The following VAV2 variants were observed in gnomAD, a reference collection of about 807,000 sequenced individuals.
VAV2 encodes the protein guanine nucleotide exchange factor VAV2.
A neutral mutation model predicts 132.5 loss-of-function variants in VAV2; 67 were observed. The observed-to-expected ratio is 0.51, with a 90% CI of 0.42 to 0.62. The LOEUF (loss-of-function observed/expected upper bound fraction) is 0.62, where lower values mean the gene tolerates loss of function less well. Among genes scored for constraint, VAV2 ranks in the 20% least tolerant of loss-of-function variants. The pLI is 0.00. For missense variants in VAV2, 938 were observed against 1,153.6 expected (o/e 0.81, Z 2.71); for synonymous variants, 492 against 443.5 (o/e 1.11, Z -1.37).
At chr9:133,944,116 A>G (rs985999160) in intron 1 of VAV2, among the ~76,000 whole-genome samples, 3 of 152,112 alleles carry the variant, frequency 2.0e-5, no homozygotes, top group African/African-American at 7.2e-5. Context: ...CAGGACAGTC[A>G]CGTCTCTTTA....
intron 3 of VAV2, among the ~76,000 whole-genome samples, chr9:133,856,840 C>A (rs960029757): frequency 1.3e-5 from 2 of 152,190 alleles, no homozygotes; most frequent in Non-Finnish European, 2.9e-5. Context: ...GACCTTCCTG[C>A]GTCCCTCTTA....
intron 1 of VAV2, among the ~76,000 whole-genome samples, chr9:133,971,380 C>T (rs1219980988): frequency 6.6e-6 from 1 of 152,166 alleles, no homozygotes; most frequent in African/African-American, 2.4e-5. Context: ...GCCCCAGGAA[C>T]CCAGGAGGGG....
intron 4 of VAV2, among the ~76,000 whole-genome samples, chr9:133,815,274 G>T (rs1030430196): frequency 6.6e-6 from 1 of 152,002 alleles, no homozygotes; most frequent in Non-Finnish European, 1.5e-5. Flanking sequence ...TGTAGCACCC[G>T]CTGCGTCTGA....
intron 2 of VAV2, among the ~76,000 whole-genome samples, chr9:133,921,221 G>T (rs1244922859): frequency 6.6e-6 from 1 of 152,214 alleles, no homozygotes; most frequent in Non-Finnish European, 1.5e-5. Context: ...CTCTGTGCGT[G>T]CCGGAGTGTG....
chr9:133,927,192 G>C (rs1189034909), intron 2 of VAV2, among the ~76,000 whole-genome samples: 1 of 152,142 alleles, frequency 6.6e-6, no homozygotes, highest in Non-Finnish European at 1.5e-5. Context: ...CGAAACCTGA[G>C]ACCAGCTAGC....
chr9:133,843,036 T>C (rs1836787067), intron 3 of VAV2, among the ~76,000 whole-genome samples: 1 of 152,180 alleles, frequency 6.6e-6, no homozygotes, highest in South Asian at 2.1e-4. Flanking sequence ...CAGCTCCAAC[T>C]GTCAAAACAA....
At chr9:133,792,646 G>A (rs972465022) in intron 12 of VAV2, among the ~76,000 whole-genome samples, 7 of 151,088 alleles carry the variant, frequency 4.6e-5, no homozygotes, top group South Asian at 2.1e-4. Flanking sequence ...GTGCATGCAC[G>A]CACATACATG....
At chr9:133,842,569 C>T (rs555069606) in intron 3 of VAV2, among the ~76,000 whole-genome samples, 2 of 152,154 alleles carry the variant, frequency 1.3e-5, no homozygotes, top group African/African-American at 4.8e-5. Flanking sequence ...CCTAGTCTTG[C>T]AGATGGCAGA....
intron 4 of VAV2, among the ~76,000 whole-genome samples, chr9:133,814,169 C>T (rs1046235682): frequency 6.6e-6 from 1 of 152,236 alleles, no homozygotes. Context: ...TGTTTGTGAG[C>T]TCACAGGTTT....
intron 4 of VAV2, among the ~76,000 whole-genome samples, chr9:133,832,480 C>A (rs575551754): frequency 7.0e-4 from 106 of 152,360 alleles, no homozygotes; most frequent in African/African-American, 2.5e-3. Flanking sequence ...GTTTCCTCCC[C>A]CCTTACAGGG....
intron 19 of VAV2, among the ~76,000 whole-genome samples, chr9:133,783,016 A>G (rs1225348093): frequency 6.6e-6 from 1 of 152,176 alleles, no homozygotes; most frequent in Non-Finnish European, 1.5e-5. Context: ...GGGCATGAAC[A>G]GAAGGGAACC....
chr9:133,981,948 C>T (rs1482939446), intron 1 of VAV2, among the ~76,000 whole-genome samples: 1 of 152,240 alleles, frequency 6.6e-6, no homozygotes, highest in Non-Finnish European at 1.5e-5. Context: ...GAAAGCTTTG[C>T]TCTTACTGAG....
intron 1 of VAV2, among the ~76,000 whole-genome samples, chr9:133,952,104 C>G (rs1477408918): frequency 6.6e-6 from 1 of 152,020 alleles, no homozygotes; most frequent in Non-Finnish European, 1.5e-5. Flanking sequence ...ACCCAATTAC[C>G]TCAAAAGGCC....
intron 9 of VAV2, among the ~76,000 whole-genome samples, chr9:133,805,695 G>C (rs141831446): frequency 6.6e-6 from 1 of 152,150 alleles, no homozygotes; most frequent in Admixed American, 6.5e-5. Flanking sequence ...TAAGCTCCAC[G>C]TGCCACCTCT....
intron 1 of VAV2, among the ~76,000 whole-genome samples, chr9:133,940,864 A>G (rs1284204298): frequency 1.3e-5 from 2 of 151,836 alleles, no homozygotes; most frequent in Admixed American, 6.6e-5. Flanking sequence ...TATCTTATCT[A>G]TAGACCTTAC....
At position 133,885,075 on chromosome 9, in the gene VAV2, T is replaced by C. The variant is rs562539969; in HGVS notation, c.322-23643A>G. On this transcript the variant is annotated intron_variant, in intron 2 of 29. Transcript: ENST00000371850. The surrounding 1 kb of genome is among the most constrained non-coding windows in gnomAD (Gnocchi z 5.0). ...CAGTGACAGGCAGAGCCTAGATAAG[T>C]TGGGCCCTTCTGGAGGGTTCTCTCC... Among the ~76,000 whole-genome samples, 160 of 152,348 alleles carry C rather than the reference T, an allele frequency of 1.1e-3. No individual in the cohort carries two copies. The highest frequency in any genetic ancestry group is 1.8e-3 in the Non-Finnish European group (120 of 68,034).
At position 133,857,057 on chromosome 9, in the gene VAV2, A is replaced by C. The variant is rs535751632; in HGVS notation, c.380+4317T>G. Among the ~76,000 whole-genome samples, 1 of 152,150 alleles carries C rather than the reference A, an allele frequency of 6.6e-6. No individual in the cohort carries two copies. Among genetic ancestry groups the C allele is most frequent in the Non-Finnish European group, 1.5e-5 (1 of 68,030 alleles). Reference sequence around the variant, plus strand: ...AAAGGTTCCAAGAGCATCCCTGCCCAAGGTCATTTGGCTGACAGAAGCTTC... The same window carrying C: ...AAAGGTTCCAAGAGCATCCCTGCCCCAGGTCATTTGGCTGACAGAAGCTTC... On this transcript the variant is annotated intron_variant, in intron 3 of 29. Coordinates refer to ENST00000371850, the MANE Select transcript of VAV2 (RefSeq NM_001134398.2). The surrounding 1 kb of genome is among the most constrained non-coding windows in gnomAD (Gnocchi z 4.0).
intron 3 of VAV2, among the ~76,000 whole-genome samples, chr9:133,851,152 C>T (rs1210210033): frequency 6.6e-6 from 1 of 152,228 alleles, no homozygotes; most frequent in Admixed American, 6.5e-5. Context: ...GATGGTGCCA[C>T]ATGGCCTCCA....
chr9:133,866,331 C>G (rs1011514657), intron 2 of VAV2, among the ~76,000 whole-genome samples: 2 of 152,184 alleles, frequency 1.3e-5, no homozygotes, highest in Admixed American at 6.5e-5. Context: ...GAGGAGCCCA[C>G]GCTCACTGGA....
Sources: allele counts gnomAD v4.1 joint callset (sites outside exome capture counted in the v4.1 genomes callset), GRCh38; gene constraint gnomAD v4.1.1; non-coding constraint Gnocchi (gnomAD v3.1); transcripts MANE v1.5; gene names NCBI Gene and HGNC (gene_info 2026-07-23, HGNC 2026-07-21).